The following AGBL1 variants were observed in gnomAD, a reference collection of about 807,000 sequenced individuals.
AGBL1 encodes the protein AGBL carboxypeptidase 1.
A neutral mutation model predicts 118.9 loss-of-function variants in AGBL1; 130 were observed. The ratio of observed to expected loss-of-function variants is 1.09; its 90% CI spans 0.95 to 1.26. AGBL1 has a LOEUF of 1.26. Ranked by LOEUF, AGBL1 falls within the 50% of genes most tolerant of loss-of-function variation. AGBL1 has a pLI of 0.00. For synonymous variants in AGBL1, 555 were observed against 478.9 expected (o/e 1.16, Z -2.08); for missense variants, 1,584 against 1,298.1 (o/e 1.22, Z -3.38).
At chr15:86,596,274 C>T (rs964910786) in intron 21 of AGBL1, among the ~76,000 whole-genome samples, 16 of 152,086 alleles carry the variant, frequency 1.1e-4, no homozygotes, top group African/African-American at 3.4e-4. Context: ...AAGTCCTCTT[C>T]GCCACCCCCT....
chr15:86,627,581 A>C (rs923103876), intron 21 of AGBL1, among the ~76,000 whole-genome samples: 1 of 152,246 alleles, frequency 6.6e-6, no homozygotes, highest in Non-Finnish European at 1.5e-5. Context: ...AAATATCATA[A>C]TGAGTGGCAA....
intron 1 of AGBL1, among the ~76,000 whole-genome samples, chr15:86,110,781 G>A (rs892790182): frequency 5.3e-5 from 8 of 152,158 alleles, no homozygotes; most frequent in Non-Finnish European, 8.8e-5. Context: ...TGGTTGATTC[G>A]GTGAACAGTT....
At chr15:86,419,436 A>C (rs1037597887) in intron 18 of AGBL1, among the ~76,000 whole-genome samples, 1 of 152,146 alleles carries the variant, frequency 6.6e-6, no homozygotes, top group African/African-American at 2.4e-5. Flanking sequence ...CCCAGATACT[A>C]TGCTTTTCCC....
intron 21 of AGBL1, among the ~76,000 whole-genome samples, chr15:86,580,450 T>G (rs959739021): frequency 7.2e-5 from 11 of 152,076 alleles, no homozygotes; most frequent in Non-Finnish European, 4.4e-5. Flanking sequence ...ATGTATGAAT[T>G]TATTTTTATC....
intron 18 of AGBL1, among the ~76,000 whole-genome samples, chr15:86,502,136 G>A (rs1414159937): frequency 1.3e-5 from 2 of 151,254 alleles, no homozygotes; most frequent in African/African-American, 4.8e-5. Context: ...TGTCTTTTGT[G>A]GTGTAAAAAC....
At chr15:86,682,822 A>G (rs1338321466) in intron 22 of AGBL1, among the ~76,000 whole-genome samples, 1 of 152,168 alleles carries the variant, frequency 6.6e-6, no homozygotes, top group East Asian at 1.9e-4. Context: ...ACCATGAACT[A>G]GATGCTGTGC....
chr15:86,327,325 A>AT (rs1305639218), intron 17 of AGBL1, among the ~76,000 whole-genome samples: 2 of 152,184 alleles, frequency 1.3e-5, no homozygotes, highest in Admixed American at 1.3e-4. Context: ...TATCTGATAA[A>AT]TTGGTGGCAT....
chr15:86,927,161 AAAT>A (rs2080550328), intron 23 of AGBL1, among the ~76,000 whole-genome samples: 1 of 151,548 alleles, frequency 6.6e-6, no homozygotes, highest in Non-Finnish European at 1.5e-5. Flanking sequence ...ATAAATAAAT[AAAT>A]AATAAAATAA....
At chr15:86,284,697 A>G (rs1184412333) in intron 16 of AGBL1, among the ~76,000 whole-genome samples, 16 of 152,172 alleles carry the variant, frequency 1.1e-4, no homozygotes, top group Non-Finnish European at 5.9e-5. Flanking sequence ...GGGGGTAACA[A>G]TAGAAAATGA....
At chr15:86,855,797 A>C (rs748116634) in intron 22 of AGBL1, among the ~76,000 whole-genome samples, 1 of 152,226 alleles carries the variant, frequency 6.6e-6, no homozygotes, top group African/African-American at 2.4e-5. Flanking sequence ...GGGAGATAGC[A>C]GAATCCATTT....
At chr15:86,409,223 C>T (rs933851716) in intron 18 of AGBL1, among the ~76,000 whole-genome samples, 7 of 152,148 alleles carry the variant, frequency 4.6e-5, no homozygotes, top group Non-Finnish European at 8.8e-5. Flanking sequence ...CCGTCCAAAC[C>T]TCTGTCCATA....
intron 5 of AGBL1, among the ~76,000 whole-genome samples, chr15:86,180,667 A>C (rs2077539823): frequency 6.6e-6 from 1 of 152,126 alleles, no homozygotes; most frequent in African/African-American, 2.4e-5. Context: ...AACAATTGAT[A>C]AACTGTACTT....
At chr15:86,314,585 A>C (rs956464991) in intron 17 of AGBL1, among the ~76,000 whole-genome samples, 12 of 152,106 alleles carry the variant, frequency 7.9e-5, no homozygotes, top group African/African-American at 2.9e-4. Flanking sequence ...CCTGGGCTTA[A>C]TTTTATTGAA....
At chr15:86,157,345 A>C (rs2077206415) in intron 4 of AGBL1, among the ~76,000 whole-genome samples, 1 of 152,210 alleles carries the variant, frequency 6.6e-6, no homozygotes, top group Admixed American at 6.5e-5. Context: ...CTCATTAATG[A>C]ATAGACAGAA....
At chr15:86,983,275 T>A (rs186716233) in intron 23 of AGBL1, among the ~76,000 whole-genome samples, 1 of 152,316 alleles carries the variant, frequency 6.6e-6, no homozygotes, top group Admixed American at 6.5e-5. Context: ...TCTATTATAA[T>A]CAGTATATTA....
chr15:86,444,868 G>C (rs1265652555), intron 18 of AGBL1, among the ~76,000 whole-genome samples: 1 of 152,162 alleles, frequency 6.6e-6, no homozygotes. Flanking sequence ...TTAATTGAAA[G>C]TTAAATTGTG....
intron 21 of AGBL1, among the ~76,000 whole-genome samples, chr15:86,628,450 T>C (rs543068593): frequency 6.6e-6 from 1 of 152,306 alleles, no homozygotes; most frequent in South Asian, 2.1e-4. Context: ...GCGCGTTGAA[T>C]GAAATCTCAG....
At chr15:86,817,242 A>T (rs1044088836) in intron 22 of AGBL1, among the ~76,000 whole-genome samples, 1 of 150,914 alleles carries the variant, frequency 6.6e-6, no homozygotes, top group Non-Finnish European at 1.5e-5. Context: ...CAGTGACCCA[A>T]GATAGTGCGA....
chr15:86,409,163 C>T (rs1386675023), intron 18 of AGBL1, among the ~76,000 whole-genome samples: 1 of 152,130 alleles, frequency 6.6e-6, no homozygotes, highest in African/African-American at 2.4e-5. Context: ...CGTCTTCAGA[C>T]AAGTGGAAGG....
Sources: gnomAD v4.1 joint callset for allele counts (sites outside exome capture counted in the v4.1 genomes callset) on GRCh38, gnomAD v4.1.1 for gene constraint, MANE v1.5 for transcripts, NCBI Gene and HGNC (gene_info 2026-07-23, HGNC 2026-07-21) for gene names.